MUS81: variants seen among roughly 807,000 people sequenced by gnomAD.
The protein encoded by MUS81 is structure-specific endonuclease subunit MUS81.
A neutral mutation model predicts 74.2 loss-of-function variants in MUS81; 69 were observed. That is an observed-to-expected ratio of 0.93 (90% confidence interval 0.77 to 1.14). The LOEUF (loss-of-function observed/expected upper bound fraction) is 1.14. MUS81 is among the 50% of genes most tolerant of loss of function. The probability of loss-of-function intolerance (pLI) is 0.00; values close to 1 mark genes in which losing one functional copy is unlikely to be tolerated. For missense variants in MUS81, 711 were observed against 726.5 expected, an observed-to-expected ratio of 0.98 and a Z score of 0.25; for synonymous variants, 303 against 300.6, an observed-to-expected ratio of 1.01 and a Z score of -0.08.
intron 3 of MUS81, 196 bp from the exon 4 acceptor site, chr11:65,861,750 AC>A (rs1318294757): frequency 4.9e-6 from 3 of 615,982 alleles, no homozygotes; most frequent in East Asian, 2.8e-5. Flanking sequence ...CTGGGCAGAC[AC>A]CCCCACCCAC....
intron 3 of MUS81, 29 bp downstream of exon 3, chr11:65,861,464 C>A: frequency 6.4e-7 from 1 of 1,563,182 alleles, no homozygotes; most frequent in Non-Finnish European, 8.7e-7. Flanking sequence ...GAGTGGAAGG[C>A]AAAGTGGGAG....
rs990357735 is a variant in MUS81 at position 65,862,428 on chromosome 11, C to G, written c.520-16C>G. On this transcript the variant is annotated splice_polypyrimidine_tract_variant and intron_variant, in intron 5 of 15. Coordinates refer to ENST00000308110, the MANE Select transcript of MUS81 (RefSeq NM_025128.5). ...GGTACCAGGTGCTCTCTGAGGGTCT[C>G]TTTTCTGATCCACAGGTAGCCCCTG... 1.4e-5 allele frequency: 23 copies of G among 1,611,274 alleles called. No individual in the cohort carries two copies. The African/African-American group carries it at 2.7e-4, about 19-fold the overall frequency.
rs1565270402 is a variant in MUS81 at position 65,865,839 on chromosome 11, A to AC, written c.1539dup (p.Lys514GlnfsTer11). The AC allele has an allele frequency of 6.2e-7, 1 of 1,613,672 alleles. No individual in the cohort carries two copies. Among genetic ancestry groups the AC allele is most frequent in the South Asian group, 1.1e-5 (1 of 91,048 alleles). On this transcript the variant is annotated frameshift_variant, in exon 15 of 16. Coordinates refer to ENST00000308110, the MANE Select transcript of MUS81 (RefSeq NM_025128.5). LOFTEE classifies it high-confidence loss of function. Reference sequence around the variant, plus strand: ...CCTGGCCGCCTATGATGCCTGTGCCACCCCCAAGGAACAAGAGACACTGCT... The same window carrying AC: ...CCTGGCCGCCTATGATGCCTGTGCCACCCCCCAAGGAACAAGAGACACTGCT...
rs760223907 is a variant in MUS81 at position 65,864,583 on chromosome 11, C to G, written c.1146C>G (p.Ser382Arg). The change falls in exon 11 of 16, where the codon AGC (serine) becomes AGG (arginine). Residue 382 changes from serine (S) to arginine (R), a missense_variant. Coordinates refer to ENST00000308110, the MANE Select transcript of MUS81 (RefSeq NM_025128.5). ...GSVHNLSLPESTLLQAVTNTQ... is the reference protein window; with the variant it reads ...GSVHNLSLPERTLLQAVTNTQ... ...TCCACAACCTCAGCCTTCCTGAGAG[C>G]ACACTGCTGCAGGCTGTCACCAACA... The G allele has an allele frequency of 1.8e-5, 29 of 1,614,006 alleles. No individual in the cohort carries two copies. The highest frequency in any genetic ancestry group is 2.5e-5 in the Non-Finnish European group (29 of 1,180,018).
chr11:65,863,492 G>C lies in MUS81; in HGVS notation c.829G>C (p.Glu277Gln). ...GGTGCTGTTGTGTGTGGACATTGGC[G>C]AGACCCGGGGGTGAGTGAGGTGGGG... ...YRVLLCVDIGETRGGGHRPEL... is the reference protein window; with the variant it reads ...YRVLLCVDIGQTRGGGHRPEL... Residue 277 changes from glutamate to glutamine, a missense_variant, in exon 8 of 16, where the codon GAG becomes CAG. Physicochemically the swap from Glu to Gln is conservative, Grantham distance 29. Coordinates refer to ENST00000308110, the MANE Select transcript of MUS81 (RefSeq NM_025128.5). 1.9e-6 allele frequency: 3 copies of C among 1,614,204 alleles called. No homozygotes were observed. Among genetic ancestry groups the C allele is most frequent in the Non-Finnish European group, 2.5e-6 (3 of 1,180,032 alleles).
chr11:65,866,494 G>C (rs1435621705), downstream of MUS81: 1 of 702,714 alleles, frequency 1.4e-6, no homozygotes, highest in Non-Finnish European at 2.6e-6. Context: ...AACTACTAGG[G>C]CTTATCCAAA....
At chr11:65,861,677 C>T (rs549253709) in intron 3 of MUS81, 187 of 601,244 alleles carry the variant, frequency 3.1e-4, no homozygotes, top group Middle Eastern at 1.8e-3. Context: ...ACGGGGTCAC[C>T]ATTATTGAGT....
In MUS81 at chr11:65,863,793, C is replaced by T. The variant is rs766306435; in HGVS notation, c.962-11C>T. The T allele has an allele frequency of 6.2e-7, 1 of 1,613,772 alleles. No individual in the cohort carries two copies. The highest frequency in any genetic ancestry group is 2.2e-5 in the East Asian group (1 of 44,874). On this transcript the variant is annotated splice_polypyrimidine_tract_variant and intron_variant, in intron 9 of 15. Coordinates refer to ENST00000308110, the MANE Select transcript of MUS81 (RefSeq NM_025128.5). ...TAGGGGATCGCAAGCTAACGGCTGG[C>T]TTGTCAGCAGCAAACCCTGGGGAGT...
rs567268882 is a variant in MUS81 at position 65,863,382 on chromosome 11, G to C, written c.747-28G>C. 1.2e-5 allele frequency: 19 copies of C among 1,613,438 alleles called. No individual in the cohort carries two copies. The South Asian group carries it at 2.1e-4, about 18-fold the overall frequency. Reference sequence around the variant, plus strand: ...AACTGCCCTGGCACAAGGGGTTCTGGCCTCACATACCAACACCCCCCACTT... The same window carrying C: ...AACTGCCCTGGCACAAGGGGTTCTGCCCTCACATACCAACACCCCCCACTT... On this transcript the variant is annotated intron_variant, in intron 7 of 15. Coordinates refer to ENST00000308110, the MANE Select transcript of MUS81 (RefSeq NM_025128.5).
chr11:65,864,432 C>T, intron 10 of MUS81, 65 bp from the exon 11 acceptor site: 2 of 1,413,482 alleles, frequency 1.4e-6, no homozygotes, highest in African/African-American at 1.4e-5. Flanking sequence ...AGTGTGACAT[C>T]ATGGATGCCC....
upstream of MUS81, chr11:65,860,141 C>T (rs1177111944): frequency 2.4e-6 from 1 of 415,628 alleles, no homozygotes. Flanking sequence ...GCAGCTCCTC[C>T]TGCCTTACCT....
Position 65,863,496 on chromosome 11 carries a change from C to A in MUS81, c.833C>A (p.Thr278Asn). 1.2e-6 allele frequency: 2 copies of A among 1,614,062 alleles called. No homozygotes were observed. Among genetic ancestry groups the A allele is most frequent in the Non-Finnish European group, 1.7e-6 (2 of 1,179,994 alleles). The change falls in exon 8 of 16, where the codon ACC becomes AAC. Residue 278 changes from threonine (T) to asparagine (N), a missense_variant. Coordinates refer to ENST00000308110, the MANE Select transcript of MUS81 (RefSeq NM_025128.5). Reference protein sequence around the residue: ...RVLLCVDIGETRGGGHRPELL... With the variant: ...RVLLCVDIGENRGGGHRPELL... ...CTGTTGTGTGTGGACATTGGCGAGA[C>A]CCGGGGGTGAGTGAGGTGGGGAGAA...
chr11:65,861,621 G>A, intron 3 of MUS81, 186 bp downstream of exon 3: 3 of 612,282 alleles, frequency 4.9e-6, no homozygotes, highest in Non-Finnish European at 8.6e-6. Context: ...CAGCCAATGA[G>A]AGAATTCCAT....
chr11:65,860,524 G>C lies in MUS81; in HGVS notation c.-230G>C. The C allele has an allele frequency of 1.7e-6, 1 of 604,958 alleles. No individual in the cohort carries two copies. Among genetic ancestry groups the C allele is most frequent in the Non-Finnish European group, 2.9e-6 (1 of 340,786 alleles). The allele number at this position is 604,958 out of a possible 1,614,324, so 37.5% of individuals were successfully genotyped here. On this transcript the variant is annotated 5_prime_UTR_variant, in exon 1 of 16. Transcript: ENST00000308110. ...GGAGCCAAGGGAAAAGATCGTTAGA[G>C]ACAGCGCCCCTGACCAACCACTTAG...
At chr11:65,861,871 G>T (rs1859619277) in intron 3 of MUS81, 76 bp from the exon 4 acceptor site, 3 of 1,182,562 alleles carry the variant, frequency 2.5e-6, no homozygotes, top group Admixed American at 4.5e-5. Context: ...CTTACCCAGG[G>T]CCACAAAGCC....
In MUS81 at chr11:65,860,562, G is replaced by T. The variant is rs942781877; in HGVS notation, c.-192G>T. On this transcript the variant is annotated 5_prime_UTR_variant, in exon 1 of 16. Transcript: ENST00000308110. ...ACCAACCACTTAGAGCAGCGCAGGG[G>T]TGGGAGGGCGGCCGCAGGCTCTCCT... The T allele has an allele frequency of 5.8e-6, 4 of 694,992 alleles. No individual in the cohort carries two copies. The highest frequency in any genetic ancestry group is 9.7e-6 in the Non-Finnish European group (4 of 411,292). 43.1% of individuals were successfully genotyped at this position (694,992 alleles called of 1,614,324 possible).
At chr11:65,866,698 TG>T, downstream of MUS81, 1 of 713,998 alleles carries the variant, frequency 1.4e-6, no homozygotes, top group Non-Finnish European at 2.5e-6. Context: ...CTCCTGTCAA[TG>T]GGGGCCCCTG....
At chr11:65,862,563 G>C in intron 6 of MUS81, 34 bp downstream of exon 6, 1 of 1,595,270 alleles carries the variant, frequency 6.3e-7, no homozygotes, top group Non-Finnish European at 8.6e-7. Flanking sequence ...AGGAGAGCAT[G>C]AGTGAACTTC....
In MUS81 at chr11:65,863,393, C is replaced by T; in HGVS notation, c.747-17C>T. On this transcript the variant is annotated splice_polypyrimidine_tract_variant and intron_variant, in intron 7 of 15. Coordinates refer to ENST00000308110, the MANE Select transcript of MUS81 (RefSeq NM_025128.5). ...CACAAGGGGTTCTGGCCTCACATACCAACACCCCCCACTTAGTGCCAGTGA... is the reference window on the plus strand; with the variant it reads ...CACAAGGGGTTCTGGCCTCACATACTAACACCCCCCACTTAGTGCCAGTGA... 1.2e-6 allele frequency: 2 copies of T among 1,613,868 alleles called. No individual in the cohort carries two copies. Among genetic ancestry groups the T allele is most frequent in the Non-Finnish European group, 1.7e-6 (2 of 1,179,918 alleles).
Sources: allele counts gnomAD v4.1 joint callset, GRCh38; gene constraint gnomAD v4.1.1; transcripts MANE v1.5; gene names NCBI Gene and HGNC (gene_info 2026-07-23, HGNC 2026-07-21).